The following AMZ2 variants were observed in gnomAD, a reference collection of about 807,000 sequenced individuals.
AMZ2 encodes the protein archaelysin family metallopeptidase 2.
AMZ2 carries 26 observed loss-of-function variants against 36.7 expected under a neutral mutation model. The ratio of observed to expected loss-of-function variants is 0.71; its 90% confidence interval spans 0.52 to 0.98. The LOEUF (loss-of-function observed/expected upper bound fraction) is 0.98. AMZ2 is among the 50% of genes least tolerant of loss of function. The pLI is 0.00. For synonymous variants in AMZ2, 144 were observed against 149.1 expected (o/e 0.97, Z 0.25); for missense variants, 394 against 430.5 (o/e 0.92, Z 0.75).
chr17:68,210,273 G>A (rs1184929262), intron 1 of AMZ2, among the ~76,000 whole-genome samples: 2 of 152,184 alleles, frequency 1.3e-5, no homozygotes, highest in East Asian at 1.9e-4. Flanking sequence ...ATGACCAAAA[G>A]GTGGAAACAG....
Position 68,250,347 on chromosome 17 carries a change from C to T in AMZ2, c.160C>T (p.His54Tyr), listed in dbSNP as rs1479219327. Residue 54 changes from histidine (H) to tyrosine (Y), a missense_variant, in exon 2 of 7, where the codon CAT becomes TAT. Transcript: ENST00000359904. ...ASDLFGPITL[H>Y]SPSDWITSHP... is the part of the protein sequence containing the mutation. ...TGATCTCTTTGGACCCATTACCTTG[C>T]ATTCTCCATCAGATTGGATCACCTC... The T allele has an allele frequency of 5.0e-6, 8 of 1,614,080 alleles. No individual in the cohort carries two copies. The highest frequency in any genetic ancestry group is 2.7e-5 in the African/African-American group (2 of 74,922).
intron 1 of AMZ2, among the ~76,000 whole-genome samples, chr17:68,209,446 T>G (rs1315450701): frequency 6.6e-6 from 1 of 151,686 alleles, no homozygotes; most frequent in Non-Finnish European, 1.5e-5. Flanking sequence ...CGCCTGCCTC[T>G]GCCTCCCAAA....
At position 68,248,047 on chromosome 17, in the gene AMZ2, C is replaced by G. The variant is rs2074122273; in HGVS notation, c.-659C>G. 1 of 986,360 alleles carries G rather than the reference C, an allele frequency of 1.0e-6. No individual in the cohort carries two copies. The highest frequency in any genetic ancestry group is 1.2e-6 in the Non-Finnish European group (1 of 830,716). 61.1% of individuals were successfully genotyped at this position (986,360 alleles called of 1,614,324 possible). On this transcript the variant is annotated 5_prime_UTR_variant, in exon 1 of 7. Coordinates refer to ENST00000359904, the MANE Select transcript of AMZ2 (RefSeq NM_016627.5). Reference sequence around the variant, plus strand: ...CCAGTGGGCGTGGCGTGGCGCAGTGCGAAGGGACGCGGTGCGCATGCGCGT... The same window carrying G: ...CCAGTGGGCGTGGCGTGGCGCAGTGGGAAGGGACGCGGTGCGCATGCGCGT...
chr17:68,240,312 T>TA (rs1555733753), intron 1 of AMZ2, among the ~76,000 whole-genome samples: 1 of 152,158 alleles, frequency 6.6e-6, no homozygotes, highest in Non-Finnish European at 1.5e-5. Context: ...TCTCAACATA[T>TA]AAATTTTGTG....
intron 1 of AMZ2, among the ~76,000 whole-genome samples, chr17:68,209,331 T>A (rs1257510777): frequency 3.3e-5 from 5 of 151,922 alleles, no homozygotes; most frequent in Admixed American, 6.6e-5. Context: ...GCAGCTGGGA[T>A]TACAGGCGCC....
Position 68,254,392 on chromosome 17 carries a change from C to CT in AMZ2, c.587-5dup. ...TACTCTCATTCTGTCACTGTTTGTC[C>CT]TTTTTTTGTAGGTGTGGGGATATTC... On this transcript the variant is annotated splice_polypyrimidine_tract_variant and intron_variant, in intron 4 of 6. Coordinates refer to ENST00000359904, the MANE Select transcript of AMZ2 (RefSeq NM_016627.5). The CT allele has an allele frequency of 6.2e-7, 1 of 1,601,636 alleles. No individual in the cohort carries two copies. Among genetic ancestry groups the CT allele is most frequent in the Non-Finnish European group, 8.5e-7 (1 of 1,176,122 alleles).
At chr17:68,247,468 C>T (rs1297721086), upstream of AMZ2, 2 of 237,182 alleles carry the variant, frequency 8.4e-6, no homozygotes, top group Non-Finnish European at 1.4e-5. Context: ...TTTCCGAGCT[C>T]ACGGCCTCCC....
upstream of AMZ2, among the ~76,000 whole-genome samples, chr17:68,246,195 C>CAAAAAAAAAATA: frequency 1.2e-5 from 1 of 83,848 alleles, no homozygotes; most frequent in Non-Finnish European, 2.2e-5. Context: ...ACTAAAAATA[C>CAAAAAAAAAATA]AAAAAAAAAA....
intron 4 of AMZ2, among the ~76,000 whole-genome samples, chr17:68,253,834 A>G (rs2074683905): frequency 6.6e-6 from 1 of 150,568 alleles, no homozygotes; most frequent in Admixed American, 6.6e-5. Context: ...GCTCACTGCA[A>G]CTCCGCCTCA....
intron 1 of AMZ2, among the ~76,000 whole-genome samples, chr17:68,238,027 C>G (rs1555733148): frequency 6.6e-6 from 1 of 152,080 alleles, no homozygotes; most frequent in African/African-American, 2.4e-5. Flanking sequence ...CTCCTCCATC[C>G]CCCTTGGAGT....
chr17:68,251,366 C>G (rs1198862431), intron 4 of AMZ2, 188 bp downstream of exon 4: 1 of 586,408 alleles, frequency 1.7e-6, no homozygotes, highest in African/African-American at 1.9e-5. Context: ...GTTGGCCACT[C>G]ACTACCTACA....
intron 6 of AMZ2, 136 bp from the exon 7 acceptor site, chr17:68,256,678 T>TTC: frequency 1.2e-6 from 1 of 812,268 alleles, no homozygotes; most frequent in South Asian, 2.0e-5. Flanking sequence ...TTATTTCATA[T>TTC]TCACACCATC....
Position 68,248,446 on chromosome 17 carries a change from C to T in AMZ2, c.-260C>T, listed in dbSNP as rs1215454525. On this transcript the variant is annotated 5_prime_UTR_variant, in exon 1 of 7. Transcript: ENST00000359904. ...AGGGTGGCCAGCTCCTTCCCGTTTG[C>T]CCGTGATGTTCTGGTTTTGGGACCA... 1.0e-6 allele frequency: 1 copy of T among 986,256 alleles called. No homozygotes were observed. Among genetic ancestry groups the T allele is most frequent in the Non-Finnish European group, 1.2e-6 (1 of 830,224 alleles). The allele number at this position is 986,256 out of a possible 1,614,324, so 61.1% of individuals were successfully genotyped here.
upstream of AMZ2, among the ~76,000 whole-genome samples, chr17:68,245,774 G>GT (rs1348985444): frequency 5.9e-5 from 9 of 152,154 alleles, no homozygotes; most frequent in Non-Finnish European, 1.0e-4. Context: ...TCGCAGTTGA[G>GT]TAAGGGTGAC....
At chr17:68,208,126 C>T (rs572108719) in intron 1 of AMZ2, among the ~76,000 whole-genome samples, 207 of 152,282 alleles carry the variant, frequency 1.4e-3, no homozygotes, top group Non-Finnish European at 2.5e-3. Flanking sequence ...GTGGCCTGAG[C>T]CTCCCTGACG....
chr17:68,209,632 A>ATTTTTTTTTTT (rs1224207690), intron 1 of AMZ2, among the ~76,000 whole-genome samples: 23 of 90,678 alleles, frequency 2.5e-4, no homozygotes, highest in African/African-American at 1.1e-3. Context: ...ATATATATAT[A>ATTTTTTTTTTT]TTTTTTTTTT....
intron 1 of AMZ2, among the ~76,000 whole-genome samples, chr17:68,225,742 C>G (rs2073499016): frequency 6.6e-6 from 1 of 152,048 alleles, no homozygotes; most frequent in Non-Finnish European, 1.5e-5. Flanking sequence ...CAAGCCTCAG[C>G]CTCCCAAGTA....
intron 1 of AMZ2, among the ~76,000 whole-genome samples, chr17:68,219,485 C>G (rs782409403): frequency 6.6e-6 from 1 of 152,118 alleles, no homozygotes; most frequent in Non-Finnish European, 1.5e-5. Context: ...TCCCATGTTA[C>G]TGCTTTTTCA....
chr17:68,219,772 A>G (rs1305442872), intron 1 of AMZ2, among the ~76,000 whole-genome samples: 4 of 151,010 alleles, frequency 2.6e-5, no homozygotes, highest in African/African-American at 9.8e-5. Context: ...GAGCTCAAAC[A>G]ATCTGCCCAC....
Sources: allele counts gnomAD v4.1 joint callset (sites outside exome capture counted in the v4.1 genomes callset), GRCh38; gene constraint gnomAD v4.1.1; transcripts MANE v1.5; gene names NCBI Gene and HGNC (gene_info 2026-07-23, HGNC 2026-07-21).